The following DMD variants were observed in gnomAD, a reference collection of about 807,000 sequenced individuals.
DMD encodes dystrophin.
A neutral mutation model predicts 330.1 loss-of-function variants in DMD; 63 were observed. The observed-to-expected ratio is 0.19, with a 90% CI of 0.16 to 0.24. The LOEUF (loss-of-function observed/expected upper bound fraction) is 0.24. DMD is among the 10% of genes least tolerant of loss of function. The pLI is 1.00. For synonymous variants in DMD, 1,223 were observed against 959.8 expected, an observed-to-expected ratio of 1.27 and a Z score of -5.07; for missense variants, 3,344 against 2,684.1, an observed-to-expected ratio of 1.25 and a Z score of -5.43.
intron 59 of DMD, among the ~76,000 whole-genome samples, chrX:31,455,590 C>T (rs2066099431): frequency 8.9e-6 from 1 of 112,430 alleles, no homozygotes; most frequent in Non-Finnish European, 1.9e-5. Context: ...TAAGAGAAAG[C>T]TACCCATTTT....
intron 50 of DMD, among the ~76,000 whole-genome samples, chrX:31,781,370 C>A (rs983454735): frequency 8.0e-5 from 9 of 112,065 alleles, no homozygotes; most frequent in African/African-American, 2.9e-4. Flanking sequence ...ATTAATCACT[C>A]AAATACTTCT....
At chrX:32,459,115 C>T (rs1316575322) in intron 25 of DMD, among the ~76,000 whole-genome samples, 2 of 110,909 alleles carry the variant, frequency 1.8e-5, no homozygotes, top group Non-Finnish European at 3.8e-5. Flanking sequence ...GTTAAAAATA[C>T]TGTATTGTTA....
intron 2 of DMD, among the ~76,000 whole-genome samples, chrX:32,883,927 G>C (rs1276098102): frequency 9.9e-6 from 1 of 100,735 alleles, no homozygotes; most frequent in Admixed American, 1.1e-4. Flanking sequence ...TAATATTAAT[G>C]TTCTGTAGAT....
intron 43 of DMD, among the ~76,000 whole-genome samples, chrX:32,238,103 C>T (rs750123135): frequency 3.0e-4 from 33 of 111,600 alleles, no homozygotes; most frequent in African/African-American, 7.8e-4. Flanking sequence ...TTATTTTCTC[C>T]GCACAATTTA....
intron 44 of DMD, among the ~76,000 whole-genome samples, chrX:32,149,660 G>T (rs1426638023): frequency 9.0e-6 from 1 of 111,658 alleles, no homozygotes; most frequent in African/African-American, 3.3e-5. Flanking sequence ...AGGGAATTTG[G>T]ACCCAGAAAG....
rs192398150 is a variant in DMD, at chrX:31,627,632, T to C, written c.8217+41A>G. ...AGTACAAATGCTGAGAATTGTTCAA[T>C]TGGATCCACAAGAGTGCTAAAGCGG... On this transcript the variant is annotated intron_variant, in intron 55 of 78. Transcript: ENST00000357033. 65 of 1,179,659 alleles carry C rather than the reference T, an allele frequency of 5.5e-5. No homozygotes were observed. In the Admixed American group the frequency reaches 7.9e-4, roughly 14 times the overall value.
intron 60 of DMD, among the ~76,000 whole-genome samples, chrX:31,414,215 A>G (rs1476338343): frequency 9.1e-6 from 1 of 110,068 alleles, no homozygotes; most frequent in Non-Finnish European, 1.9e-5. Context: ...GGGTTTCGTC[A>G]TGTTGGTCAG....
intron 19 of DMD, among the ~76,000 whole-genome samples, chrX:32,494,677 T>A (rs1363109070): frequency 5.4e-5 from 6 of 111,105 alleles, no homozygotes; most frequent in Non-Finnish European, 1.1e-4. Context: ...ATAGAGGAAA[T>A]GAAAAAGAAT....
At chrX:33,055,349 G>A (rs753816522) in intron 1 of DMD, among the ~76,000 whole-genome samples, 75 of 111,744 alleles carry the variant, frequency 6.7e-4, no homozygotes, top group African/African-American at 2.4e-3. Flanking sequence ...GTAGCTACGT[G>A]AGTAAGGAAG....
chrX:31,780,515 C>T (rs2090956679), intron 50 of DMD, among the ~76,000 whole-genome samples: 1 of 111,948 alleles, frequency 8.9e-6, no homozygotes. Context: ...TTCCATCTCA[C>T]TAGTAGATAA....
At chrX:33,221,915 T>C (rs2052187685) in intron 1 of DMD, among the ~76,000 whole-genome samples, 1 of 110,757 alleles carries the variant, frequency 9.0e-6, no homozygotes. Flanking sequence ...TAAGGAAATA[T>C]AACTCATAAT....
At chrX:31,347,520 A>G (rs1289165540) in intron 61 of DMD, among the ~76,000 whole-genome samples, 1 of 111,693 alleles carries the variant, frequency 9.0e-6, no homozygotes, top group Non-Finnish European at 1.9e-5. Flanking sequence ...GGGTTATTTC[A>G]CTTAACATAA....
intron 17 of DMD, among the ~76,000 whole-genome samples, chrX:32,529,660 A>C (rs939662343): frequency 1.8e-5 from 2 of 111,076 alleles, no homozygotes; most frequent in Non-Finnish European, 3.8e-5. Flanking sequence ...GTTTTGACCC[A>C]AGATACAAAA....
At chrX:32,719,525 G>A (rs751156248) in intron 7 of DMD, among the ~76,000 whole-genome samples, 3 of 111,310 alleles carry the variant, frequency 2.7e-5, no homozygotes, top group Non-Finnish European at 3.8e-5. Flanking sequence ...AGAAACCTTA[G>A]TATTGCAAAG....
chrX:32,138,281 T>C (rs751406591), intron 44 of DMD, among the ~76,000 whole-genome samples: 1 of 111,290 alleles, frequency 9.0e-6, no homozygotes, highest in South Asian at 3.8e-4. Context: ...ACTTCAAATC[T>C]CTATAGCACC....
chrX:32,095,276 C>T (rs940229425), intron 44 of DMD, among the ~76,000 whole-genome samples: 1 of 111,835 alleles, frequency 8.9e-6, no homozygotes, highest in Non-Finnish European at 1.9e-5. Flanking sequence ...GTGAAAATGA[C>T]GTGAGTGAGA....
In DMD at chrX:31,969,901, A is replaced by G. The variant is rs552046560; in HGVS notation, c.6439-1387T>C. ...AGATGTGCTCTAGTAAACATGTGAT[A>G]TTTCCTTGTAACTAGTTGGCTTTGC... On this transcript the variant is annotated intron_variant, in intron 44 of 78. Coordinates refer to ENST00000357033, the MANE Select transcript of DMD (RefSeq NM_004006.3). Among the ~76,000 whole-genome samples, 49 of 111,263 alleles carry G rather than the reference A, an allele frequency of 4.4e-4. 1 individual carries two copies. The South Asian group carries it at 0.017, about 39-fold the overall frequency.
intron 62 of DMD, among the ~76,000 whole-genome samples, chrX:31,280,332 G>C (rs920793288): frequency 8.0e-5 from 9 of 111,966 alleles, no homozygotes; most frequent in Admixed American, 6.7e-4. Flanking sequence ...CTGAATATAA[G>C]AGACCAGATA....
chrX:32,406,000 T>C (rs1233850893), intron 30 of DMD, among the ~76,000 whole-genome samples: 20 of 111,406 alleles, frequency 1.8e-4, no homozygotes, highest in Non-Finnish European at 1.9e-5. Context: ...AGGTATTTTA[T>C]TCTCTTTGAA....
Sources: gnomAD v4.1 joint callset for allele counts (sites outside exome capture counted in the v4.1 genomes callset) on GRCh38, gnomAD v4.1.1 for gene constraint, MANE v1.5 for transcripts, NCBI Gene and HGNC (gene_info 2026-07-23, HGNC 2026-07-21) for gene names.